B4GALT7: variants seen among roughly 807,000 people sequenced by gnomAD.
The protein encoded by B4GALT7 is beta-1,4-galactosyltransferase 7, also known as UDP-Gal:beta-GlcNAc beta-1,4-galactosyltransferase 7.
Under a neutral mutation model 33.0 loss-of-function variants are expected in B4GALT7, and 30 were observed. That is an observed-to-expected ratio of 0.91 (90% CI 0.68 to 1.23). The LOEUF is 1.23. B4GALT7 is among the 50% of genes most tolerant of loss of function. The pLI is 0.00. For missense variants in B4GALT7, 507 were observed against 450.8 expected (o/e 1.12, Z -1.13); for synonymous variants, 213 against 187.2 (o/e 1.14, Z -1.13).
In B4GALT7 at chr5:177,606,669, A is replaced by G. The variant is rs1768021820; in HGVS notation, c.414-633A>G. 1 of 193,622 alleles carries G rather than the reference A, an allele frequency of 5.2e-6. No individual in the cohort carries two copies. Among genetic ancestry groups the G allele is most frequent in the African/African-American group, 2.3e-5 (1 of 43,072 alleles). 12.0% of individuals were successfully genotyped at this position (193,622 alleles called of 1,614,324 possible). A position where few individuals can be genotyped will look rare whatever the true frequency, so the allele number is the denominator to read the frequency against. On this transcript the variant is annotated intron_variant, in intron 2 of 5. Transcript: ENST00000029410. The surrounding 1 kb of genome is among the most constrained non-coding windows in gnomAD (Gnocchi z 4.2). ...GTCACAGCACGCCTCTACCCTGCTCAGAGCCTCCATGGCACCCATCTTACC... is the reference window on the plus strand; with the variant it reads ...GTCACAGCACGCCTCTACCCTGCTCGGAGCCTCCATGGCACCCATCTTACC...
rs757790046 is a variant in B4GALT7, at chr5:177,604,556, C to A, written c.413+15C>A. 2 of 1,613,386 alleles carry A rather than the reference C, an allele frequency of 1.2e-6. No individual in the cohort carries two copies. The highest frequency in any genetic ancestry group is 8.5e-7 in the Non-Finnish European group (1 of 1,179,912). On this transcript the variant is annotated intron_variant, in intron 2 of 5. Transcript: ENST00000029410. Reference sequence around the variant, plus strand: ...GACCACTTCAGGTAGCGCCCGCCCCCACCCTCTCCCCTCGGCACCCCTGCC... The same window carrying A: ...GACCACTTCAGGTAGCGCCCGCCCCAACCCTCTCCCCTCGGCACCCCTGCC...
At chr5:177,601,810 A>C (rs2127510306) in intron 1 of B4GALT7, among the ~76,000 whole-genome samples, 1 of 152,078 alleles carries the variant, frequency 6.6e-6, no homozygotes, top group East Asian at 1.9e-4. Context: ...TGGTGGCACC[A>C]GGAACAATTG....
chr5:177,609,901 A>G lies in B4GALT7; in HGVS notation c.*206A>G. The stretch of plus-strand genomic sequence containing the variant: ...GTGCCTGGGACGCTGCTTGCCATGC[A>G]CAGTGATCAGAGAGAGGCTGGGGTG... On this transcript the variant is annotated 3_prime_UTR_variant, in exon 6 of 6. Transcript: ENST00000029410. 1 of 648,836 alleles carries G rather than the reference A, an allele frequency of 1.5e-6. No individual in the cohort carries two copies. Among genetic ancestry groups the G allele is most frequent in the Non-Finnish European group, 2.7e-6 (1 of 370,694 alleles). 40.2% of individuals were successfully genotyped at this position (648,836 alleles called of 1,614,324 possible).
Position 177,604,557 on chromosome 5 carries a change from A to G in B4GALT7, c.413+16A>G, listed in dbSNP as rs1767932065. 5 of 1,612,752 alleles carry G rather than the reference A, an allele frequency of 3.1e-6. No individual in the cohort carries two copies. The highest frequency in any genetic ancestry group is 4.2e-6 in the Non-Finnish European group (5 of 1,179,736). The stretch of plus-strand genomic sequence containing the variant: ...ACCACTTCAGGTAGCGCCCGCCCCC[A>G]CCCTCTCCCCTCGGCACCCCTGCCC... On this transcript the variant is annotated intron_variant, in intron 2 of 5. Transcript: ENST00000029410.
chr5:177,609,992 C>T lies in B4GALT7; in HGVS notation c.*297C>T, dbSNP rs1041895499. 4.2e-6 allele frequency: 2 copies of T among 471,600 alleles called. No individual in the cohort carries two copies. The highest frequency in any genetic ancestry group is 7.9e-6 in the Non-Finnish European group (2 of 254,700). 29.2% of individuals were successfully genotyped at this position (471,600 alleles called of 1,614,324 possible). A position where few individuals can be genotyped will look rare whatever the true frequency, so the allele number is the denominator to read the frequency against. Reference sequence around the variant, plus strand: ...CTCTGACCTCCTTCACGTGCCCAGGCCTGTGGGTAGTGGGGAGGGCTGAAC... The same window carrying T: ...CTCTGACCTCCTTCACGTGCCCAGGTCTGTGGGTAGTGGGGAGGGCTGAAC... On this transcript the variant is annotated 3_prime_UTR_variant, in exon 6 of 6. Coordinates refer to ENST00000029410, the MANE Select transcript of B4GALT7 (RefSeq NM_007255.3).
rs1768050750 is a variant in B4GALT7 at position 177,607,512 on chromosome 5, G to A, written c.624G>A (p.Lys208=). ...TYVGGILLLS[K]QHYRLCNGMS... ...TCGGCGGCATCCTGCTGCTCTCCAAGCAGCACTACCGGCTGGTGAGGCCCG... is the reference window on the plus strand; with the variant it reads ...TCGGCGGCATCCTGCTGCTCTCCAAACAGCACTACCGGCTGGTGAGGCCCG... Residue 208 remains lysine, a synonymous_variant, in exon 3 of 6, where the codon AAG becomes AAA. Coordinates refer to ENST00000029410, the MANE Select transcript of B4GALT7 (RefSeq NM_007255.3). 1 of 1,612,278 alleles carries A rather than the reference G, an allele frequency of 6.2e-7. No individual in the cohort carries two copies.
intron 3 of B4GALT7, chr5:177,607,781 G>A: frequency 1.8e-6 from 1 of 567,664 alleles, no homozygotes; most frequent in South Asian, 2.0e-5. Context: ...GGGCGGTTCA[G>A]GTGTACCTTG....
chr5:177,606,987 C>T lies in B4GALT7; in HGVS notation c.414-315C>T. 2.3e-6 allele frequency: 1 copy of T among 441,352 alleles called. No homozygotes were observed. The highest frequency in any genetic ancestry group is 4.3e-6 in the Non-Finnish European group (1 of 235,150). The allele number at this position is 441,352 out of a possible 1,614,324, so 27.3% of individuals were successfully genotyped here. ...AAGATCGCCCTCCTTGCCTGCTTTG[C>T]TTTTCCCCCCAGCACGAACCACTGC... On this transcript the variant is annotated intron_variant, in intron 2 of 5. Coordinates refer to ENST00000029410, the MANE Select transcript of B4GALT7 (RefSeq NM_007255.3). The surrounding 1 kb of genome is among the most constrained non-coding windows in gnomAD (Gnocchi z 4.2).
chr5:177,600,256 G>C lies in B4GALT7; in HGVS notation c.46G>C (p.Gly16Arg), dbSNP rs1391741493. The C allele has an allele frequency of 2.2e-6, 3 of 1,362,674 alleles. No homozygotes were observed. The highest frequency in any genetic ancestry group is 3.0e-5 in the Admixed American group (1 of 33,480). The allele number at this position is 1,362,674 out of a possible 1,614,324, so 84.4% of individuals were successfully genotyped here. A position where few individuals can be genotyped will look rare whatever the true frequency, so the allele number is the denominator to read the frequency against. The part of the protein sequence containing the change: ...RKAAQLPWED[G>R]RSGLLSGGLP... ...AGCGGCGCAGCTGCCCTGGGAGGAC[G>C]GCAGGTGAGCGGCGGCGGTGGGCCC... is the stretch of plus-strand genomic sequence containing the variant. Residue 16 changes from glycine (G) to arginine (R), a missense_variant, in exon 1 of 6, where the codon GGC (glycine) becomes CGC (arginine). Coordinates refer to ENST00000029410, the MANE Select transcript of B4GALT7 (RefSeq NM_007255.3). This position sits in a 1 kb window ranked among gnomAD's most constrained non-coding sequence, Gnocchi z 4.4.
chr5:177,601,116 G>A (rs1009067019), intron 1 of B4GALT7, among the ~76,000 whole-genome samples: 2 of 152,140 alleles, frequency 1.3e-5, no homozygotes, highest in African/African-American at 4.8e-5. Flanking sequence ...TCCGTCAGGT[G>A]CCATAAGATT....
rs1021382701 is a variant in B4GALT7 at position 177,603,277 on chromosome 5, A to G, written c.51-902A>G. On this transcript the variant is annotated intron_variant, in intron 1 of 5. Transcript: ENST00000029410. ...ATTACTTTGGGGAGAAGGTAGGGGGAGTACAGAGGAAGCTTCTCCCTTCAT... is the reference window on the plus strand; with the variant it reads ...ATTACTTTGGGGAGAAGGTAGGGGGGGTACAGAGGAAGCTTCTCCCTTCAT... The G allele has an allele frequency of 2.5e-4, 243 of 984,936 alleles. 1 individual carries two copies. The highest frequency in any genetic ancestry group is 1.4e-3 in the Admixed American group (23 of 16,264). 61.0% of individuals were successfully genotyped at this position (984,936 alleles called of 1,614,324 possible). A position where few individuals can be genotyped will look rare whatever the true frequency, so the allele number is the denominator to read the frequency against.
rs1228709893 is a variant in B4GALT7 at position 177,609,945 on chromosome 5, C to A, written c.*250C>A. ...TGGGGTGTGTCCTGTCCGGGACCCC[C>A]CCTGCCTTCCTGCTCACCCTACTCT... On this transcript the variant is annotated 3_prime_UTR_variant, in exon 6 of 6. Transcript: ENST00000029410. 2 of 560,542 alleles carry A rather than the reference C, an allele frequency of 3.6e-6. No homozygotes were observed. Among genetic ancestry groups the A allele is most frequent in the Admixed American group, 6.1e-5 (2 of 32,868 alleles). 34.7% of individuals were successfully genotyped at this position (560,542 alleles called of 1,614,324 possible). A position where few individuals can be genotyped will look rare whatever the true frequency, so the allele number is the denominator to read the frequency against.
In B4GALT7 at chr5:177,606,735, G is replaced by C; in HGVS notation, c.414-567G>C. 1 of 225,960 alleles carries C rather than the reference G, an allele frequency of 4.4e-6. No homozygotes were observed. The highest frequency in any genetic ancestry group is 9.0e-6 in the Non-Finnish European group (1 of 111,660). The allele number at this position is 225,960 out of a possible 1,614,324, so 14.0% of individuals were successfully genotyped here. A position where few individuals can be genotyped will look rare whatever the true frequency, so the allele number is the denominator to read the frequency against. On this transcript the variant is annotated intron_variant, in intron 2 of 5. Coordinates refer to ENST00000029410, the MANE Select transcript of B4GALT7 (RefSeq NM_007255.3). The surrounding 1 kb of genome is among the most constrained non-coding windows in gnomAD (Gnocchi z 4.2). ...TCCTTCAGTGGCCCTTGGGCCTTGT[G>C]CAGTCACTGTGTCACCCCCAACATC...
rs767458092 is a variant in B4GALT7, at chr5:177,604,387, G to A, written c.259G>A (p.Asp87Asn). The A allele has an allele frequency of 1.2e-6, 2 of 1,613,610 alleles. No individual in the cohort carries two copies. The highest frequency in any genetic ancestry group is 2.2e-5 in the East Asian group (1 of 44,850). Residue 87 changes from aspartate to asparagine, a missense_variant, in exon 2 of 6, where the codon GAC becomes AAC. Asp to Asn is a conservative substitution (Grantham distance 23). Transcript: ENST00000029410. ...PEPPPEHWEEDASWGPHRLAV... is the reference protein window; with the variant it reads ...PEPPPEHWEENASWGPHRLAV... ...GCCGCCCCCTGAGCACTGGGAAGAA[G>A]ACGCATCCTGGGGCCCCCACCGCCT...
rs1374861652 is a variant in B4GALT7, at chr5:177,609,641, C to G, written c.930C>G (p.Leu310=). The stretch of plus-strand genomic sequence containing the variant: ...TGGGCGGGGCCCCCTGCACTGTCCT[C>G]AACATCATGTTGGACTGTGACAAGA... ...LSVGGAPCTV[L]NIMLDCDKTA... The change falls in exon 6 of 6, where the codon CTC becomes CTG. Residue 310 remains leucine, a synonymous_variant. Transcript: ENST00000029410. 6.2e-7 allele frequency: 1 copy of G among 1,613,808 alleles called. No homozygotes were observed. The highest frequency in any genetic ancestry group is 1.3e-5 in the African/African-American group (1 of 74,930).
In B4GALT7 at chr5:177,607,355, C is replaced by T. The variant is rs145129446; in HGVS notation, c.467C>T (p.Thr156Met). The T allele has an allele frequency of 3.0e-5, 48 of 1,613,966 alleles. No homozygotes were observed. Among genetic ancestry groups the T allele is most frequent in the East Asian group, 1.3e-4 (6 of 44,882 alleles). ...NVGFLESSNS[T>M]DYIAMHDVDL... is the part of the protein sequence containing the mutation. ...GGCTTCCTGGAGAGCAGCAACAGCA[C>T]GGACTACATTGCCATGCACGACGTT... Residue 156 changes from threonine (T) to methionine (M), a missense_variant, in exon 3 of 6, where the codon ACG (threonine) becomes ATG (methionine). Transcript: ENST00000029410.
rs987276651 is a variant in B4GALT7, at chr5:177,610,039, C to T, written c.*344C>T. 1.4e-5 allele frequency: 5 copies of T among 370,028 alleles called. No individual in the cohort carries two copies. The highest frequency in any genetic ancestry group is 1.2e-4 in the South Asian group (5 of 41,702). 22.9% of individuals were successfully genotyped at this position (370,028 alleles called of 1,614,324 possible). A position where few individuals can be genotyped will look rare whatever the true frequency, so the allele number is the denominator to read the frequency against. On this transcript the variant is annotated 3_prime_UTR_variant, in exon 6 of 6. Coordinates refer to ENST00000029410, the MANE Select transcript of B4GALT7 (RefSeq NM_007255.3). ...GAACAGGACAACCTCTCATCACCCC[C>T]ACTTTTGTTCCTTCCTGCTGGGCTG...
rs555597127 is a variant in B4GALT7 at position 177,609,365 on chromosome 5, C to T, written c.829-175C>T. Among the ~76,000 whole-genome samples, 96 of 152,330 alleles carry T rather than the reference C, an allele frequency of 6.3e-4. 2 individuals are homozygous for T. The South Asian group carries it at 0.017, about 27-fold the overall frequency. On this transcript the variant is annotated intron_variant, in intron 5 of 5. Coordinates refer to ENST00000029410, the MANE Select transcript of B4GALT7 (RefSeq NM_007255.3). ...ATGCATCCAACTGGAGATCCCGGCT[C>T]GCCTGCTTCCTAGTGGGGCACAGCC...
In B4GALT7 at chr5:177,608,450, G is replaced by C. The variant is rs1384334241; in HGVS notation, c.640-89G>C. On this transcript the variant is annotated intron_variant, in intron 3 of 5. Transcript: ENST00000029410. This position sits in a 1 kb window ranked among gnomAD's most constrained non-coding sequence, Gnocchi z 4.1. Reference sequence around the variant, plus strand: ...ACCCGGGGCTTATTCAGAGGCGCTGGGGGAGAGGGGCACTCCCGAGCGGTA... The same window carrying C: ...ACCCGGGGCTTATTCAGAGGCGCTGCGGGAGAGGGGCACTCCCGAGCGGTA... The C allele has an allele frequency of 9.0e-6, 11 of 1,216,732 alleles. No homozygotes were observed. The highest frequency in any genetic ancestry group is 1.3e-5 in the Non-Finnish European group (11 of 823,816). 75.4% of individuals were successfully genotyped at this position (1,216,732 alleles called of 1,614,324 possible).
Sources: gnomAD v4.1 joint callset for allele counts (sites outside exome capture counted in the v4.1 genomes callset) on GRCh38, gnomAD v4.1.1 for gene constraint, Gnocchi (gnomAD v3.1) non-coding constraint, MANE v1.5 for transcripts, NCBI Gene and HGNC (gene_info 2026-07-23, HGNC 2026-07-21) for gene names.